The following GPC5 variants were observed in gnomAD, a reference collection of about 807,000 sequenced individuals.
GPC5 encodes glypican-5.
GPC5 carries 47 observed loss-of-function variants against 53.9 expected under a neutral mutation model. That is an observed-to-expected ratio of 0.87 (90% CI 0.69 to 1.11). GPC5 has a LOEUF of 1.11. Ranked by LOEUF, GPC5 falls within the 50% of genes most tolerant of loss-of-function variation. The pLI is 0.00. For missense variants in GPC5, 748 were observed against 713.1 expected, an observed-to-expected ratio of 1.05 and a Z score of -0.56; for synonymous variants, 286 against 263.3, an observed-to-expected ratio of 1.09 and a Z score of -0.84.
At chr13:92,152,290 A>G (rs559635802) in intron 7 of GPC5, among the ~76,000 whole-genome samples, 1 of 152,318 alleles carries the variant, frequency 6.6e-6, no homozygotes, top group African/African-American at 2.4e-5. Context: ...AAATTAGTAT[A>G]TCTTGAACAA....
chr13:91,760,361 G>A (rs2037384317), intron 5 of GPC5, among the ~76,000 whole-genome samples: 1 of 152,152 alleles, frequency 6.6e-6, no homozygotes, highest in African/African-American at 2.4e-5. Flanking sequence ...GTGATCTGTG[G>A]TGAAAAGCTC....
At chr13:91,492,061 G>T (rs1442031863) in intron 2 of GPC5, among the ~76,000 whole-genome samples, 2 of 151,910 alleles carry the variant, frequency 1.3e-5, no homozygotes, top group African/African-American at 4.8e-5. Flanking sequence ...CTCTATTTTA[G>T]CCCCTATTAC....
intron 6 of GPC5, among the ~76,000 whole-genome samples, chr13:92,127,264 CATATATATATGTGT>C (rs1555312619): frequency 6.7e-6 from 1 of 149,936 alleles, no homozygotes; most frequent in African/African-American, 2.5e-5. Context: ...CATAGTGCCT[CATATATATATGTGT>C]ATATATATAT....
At chr13:91,451,546 G>A (rs74106760) in intron 2 of GPC5, among the ~76,000 whole-genome samples, 1,749 of 152,064 alleles carry the variant, frequency 0.012, 37 homozygotes, top group African/African-American at 0.041. Context: ...CTCACACTGG[G>A]CTCTGTAGTC....
chr13:92,380,776 G>A, intron 7 of GPC5, among the ~76,000 whole-genome samples: 1 of 117,836 alleles, frequency 8.5e-6, no homozygotes, highest in Non-Finnish European at 1.7e-5. Flanking sequence ...GGGGAGGGGG[G>A]AGGGATAGCA....
intron 7 of GPC5, among the ~76,000 whole-genome samples, chr13:92,227,977 G>A (rs957146938): frequency 6.6e-6 from 1 of 151,864 alleles, no homozygotes; most frequent in Admixed American, 6.6e-5. Context: ...AATAAACTAA[G>A]CTAGAGAAAA....
At chr13:92,222,419 T>A (rs2042456284) in intron 7 of GPC5, among the ~76,000 whole-genome samples, 1 of 152,196 alleles carries the variant, frequency 6.6e-6, no homozygotes, top group Non-Finnish European at 1.5e-5. Context: ...GAAGTTTAAT[T>A]ACAGTAAATT....
intron 5 of GPC5, among the ~76,000 whole-genome samples, chr13:91,822,850 C>CT (rs1342277066): frequency 6.6e-6 from 1 of 152,080 alleles, no homozygotes; most frequent in African/African-American, 2.4e-5. Flanking sequence ...GAGTTGGACT[C>CT]TAAGTCTAGG....
At chr13:92,673,917 G>A (rs1453448786) in intron 7 of GPC5, among the ~76,000 whole-genome samples, 1 of 151,930 alleles carries the variant, frequency 6.6e-6, no homozygotes, top group Admixed American at 6.6e-5. Context: ...ATAAAACCAA[G>A]GTTCCATTTT....
intron 7 of GPC5, among the ~76,000 whole-genome samples, chr13:92,215,477 G>A (rs1419503806): frequency 1.3e-5 from 2 of 152,154 alleles, no homozygotes; most frequent in East Asian, 1.9e-4. Flanking sequence ...CATGTGGCTT[G>A]TCTTTCATAA....
intron 2 of GPC5, among the ~76,000 whole-genome samples, chr13:91,530,179 T>A (rs927454371): frequency 2.0e-5 from 3 of 152,342 alleles, no homozygotes; most frequent in African/African-American, 7.2e-5. Flanking sequence ...TTATCTTATG[T>A]AACAAATGTG....
chr13:92,045,528 C>T (rs1023651586), intron 6 of GPC5, among the ~76,000 whole-genome samples: 5 of 152,088 alleles, frequency 3.3e-5, no homozygotes. Context: ...TCATCACCAC[C>T]ACCCCCGTCA....
chr13:92,538,018 T>C (rs1594286669), intron 7 of GPC5, among the ~76,000 whole-genome samples: 1 of 152,108 alleles, frequency 6.6e-6, no homozygotes, highest in East Asian at 1.9e-4. Context: ...TAAAGAAGAA[T>C]GAGGTTAATA....
rs1191040804 is a variant in GPC5, at chr13:92,595,731, GCACTC to G, written c.1562-270548_1562-270544del. On this transcript the variant is annotated intron_variant, in intron 7 of 7. Transcript: ENST00000377067. ...TGCAGTGAGCAGAGATCGCGCCACT[GCACTC>G]CAGCCTGGGCGAAAGAGCGAGACTC... 4.2e-4 allele frequency among the ~76,000 whole-genome samples: 54 copies of G among 130,094 alleles called. 1 individual carries two copies. The highest frequency in any genetic ancestry group is 1.4e-4 in the Non-Finnish European group (9 of 64,706). The allele number at this position is 130,094 out of a possible 152,430, so 85.3% of individuals were successfully genotyped here. A position where few individuals can be genotyped will look rare whatever the true frequency, so the allele number is the denominator to read the frequency against.
intron 2 of GPC5, among the ~76,000 whole-genome samples, chr13:91,637,944 CT>C (rs2034324455): frequency 1.3e-5 from 2 of 152,202 alleles, no homozygotes; most frequent in African/African-American, 4.8e-5. Flanking sequence ...ATAAATGTGA[CT>C]GCCTGATTTG....
chr13:92,110,131 G>A (rs965362903), intron 6 of GPC5, among the ~76,000 whole-genome samples: 3 of 152,086 alleles, frequency 2.0e-5, no homozygotes, highest in Non-Finnish European at 2.9e-5. Flanking sequence ...GACATCTTTC[G>A]ATCGTTTCAG....
chr13:91,997,797 G>A (rs1594714283), intron 6 of GPC5, among the ~76,000 whole-genome samples: 1 of 152,284 alleles, frequency 6.6e-6, no homozygotes, highest in South Asian at 2.1e-4. Context: ...TGGGATTACA[G>A]GCGTGAGCCA....
Position 91,592,771 on chromosome 13 carries a change from G to A in GPC5, c.326-100416G>A, listed in dbSNP as rs536605976. Among the ~76,000 whole-genome samples the A allele has an allele frequency of 2.6e-4, 40 of 152,328 alleles. No homozygotes were observed. In the East Asian group the frequency reaches 4.4e-3, roughly 17 times the overall value. Reference sequence around the variant, plus strand: ...TGGAAACATAATCAGGTGCAGGAAAGCATCCAGGCTGGGCAGTGGAGGCTG... The same window carrying A: ...TGGAAACATAATCAGGTGCAGGAAAACATCCAGGCTGGGCAGTGGAGGCTG... On this transcript the variant is annotated intron_variant, in intron 2 of 7. Transcript: ENST00000377067.
Position 92,525,378 on chromosome 13 carries a change from C to T in GPC5, c.1562-340904C>T, listed in dbSNP as rs1007153335. Among the ~76,000 whole-genome samples the T allele has an allele frequency of 2.7e-5, 4 of 149,088 alleles. 1 individual carries two copies. The highest frequency in any genetic ancestry group is 6.9e-3 in the Middle Eastern group (2 of 290). ...ATATGAACTGCCTCATTTGAAGATA[C>T]GATTTAATATAATGAAGCAACTGGG... On this transcript the variant is annotated intron_variant, in intron 7 of 7. Transcript: ENST00000377067.
Sources: allele counts gnomAD v4.1 joint callset (sites outside exome capture counted in the v4.1 genomes callset), GRCh38; gene constraint gnomAD v4.1.1; transcripts MANE v1.5; gene names NCBI Gene and HGNC (gene_info 2026-07-23, HGNC 2026-07-21).